CAST: variants seen among roughly 807,000 people sequenced by gnomAD.
CAST encodes MIR583 host.
Under a neutral mutation model 119.6 loss-of-function variants are expected in CAST, and 76 were observed. The observed-to-expected ratio is 0.64, with a 90% CI of 0.53 to 0.77. The LOEUF (loss-of-function observed/expected upper bound fraction) is 0.77. CAST is among the 30% of genes least tolerant of loss of function. The pLI is 0.00. For missense variants in CAST, 953 were observed against 946.5 expected (o/e 1.01, Z -0.09); for synonymous variants, 319 against 331.6 (o/e 0.96, Z 0.41).
At chr5:96,370,581 CAT>C in the CAST span, among the ~76,000 whole-genome samples, 4 of 152,098 alleles carry the variant, frequency 2.6e-5, no homozygotes, top group Non-Finnish European at 5.9e-5. Flanking sequence ...AATTCACAGG[CAT>C]AGCAGCACTG....
chr5:96,616,721 G>GCTCT lies in CAST; in HGVS notation c.61-58815_61-58814insTCTC, dbSNP rs1411448503. On this transcript the variant is annotated intron_variant, in intron 1 of 11. Transcript: ENST00000505143. ...ATGTGTGGCCTCTTAGACACCAAGC[G>GCTCT]CTCGCTCGCTCTCTCTCTCTCTCTA... Among the ~76,000 whole-genome samples, 129 of 140,534 alleles carry GCTCT rather than the reference G, an allele frequency of 9.2e-4. 3 individuals carry two copies. The East Asian group carries it at 0.022, about 23-fold the overall frequency. The allele number at this position is 140,534 out of a possible 152,430, so 92.2% of individuals were successfully genotyped here. A position where few individuals can be genotyped will look rare whatever the true frequency, so the allele number is the denominator to read the frequency against.
chr5:96,305,481 C>G, the CAST span, among the ~76,000 whole-genome samples: 1 of 152,176 alleles, frequency 6.6e-6, no homozygotes, highest in Non-Finnish European at 1.5e-5. Flanking sequence ...CCAGGACTTC[C>G]AACGCTATGT....
At chr5:96,185,457 T>TC in the CAST span, among the ~76,000 whole-genome samples, 3 of 152,226 alleles carry the variant, frequency 2.0e-5, no homozygotes, top group Non-Finnish European at 4.4e-5. Context: ...GCCTAGATTT[T>TC]CTTCAAGGGT....
the CAST span, chr5:96,433,060 G>C: frequency 6.2e-7 from 1 of 1,611,512 alleles, no homozygotes. Context: ...ACACTCGCTT[G>C]AACAAGAGTG....
chr5:96,391,933 C>G, the CAST span: 1 of 152,160 alleles, frequency 6.6e-6, no homozygotes, highest in East Asian at 1.9e-4. Flanking sequence ...AGAATTTGGA[C>G]ACTATCAGTG....
the CAST span, among the ~76,000 whole-genome samples, chr5:96,151,720 G>A: frequency 1.9e-4 from 29 of 152,318 alleles, 1 homozygote; most frequent in Admixed American, 1.8e-3. Flanking sequence ...ATAAACATTT[G>A]AGTGGTTTTA....
chr5:96,002,004 T>C, the CAST span, among the ~76,000 whole-genome samples: 1 of 152,226 alleles, frequency 6.6e-6, no homozygotes, highest in Non-Finnish European at 1.5e-5. Context: ...GTTTCTCTTC[T>C]TGGCAATAGG....
At chr5:96,648,717 CGTGT>C (rs72068689) in intron 1 of CAST, among the ~76,000 whole-genome samples, 10,119 of 148,878 alleles carry the variant, frequency 0.068, 409 homozygotes, top group Non-Finnish European at 0.089. Context: ...TATATATATG[CGTGT>C]GTGTGTGTGT....
chr5:96,020,275 T>A, the CAST span, among the ~76,000 whole-genome samples: 10 of 152,180 alleles, frequency 6.6e-5, no homozygotes, highest in Non-Finnish European at 1.5e-4. Flanking sequence ...GATATCTTCT[T>A]TTATAGTATG....
chr5:96,461,491 C>G, the CAST span, among the ~76,000 whole-genome samples: 5 of 152,066 alleles, frequency 3.3e-5, no homozygotes, highest in Non-Finnish European at 7.4e-5. Context: ...TAGGAAGGTT[C>G]TAATATCTCC....
At chr5:96,272,117 C>T in the CAST span, among the ~76,000 whole-genome samples, 1 of 151,990 alleles carries the variant, frequency 6.6e-6, no homozygotes, top group Non-Finnish European at 1.5e-5. Flanking sequence ...TAACGAATGC[C>T]AACAAAGATG....
the CAST span, among the ~76,000 whole-genome samples, chr5:96,162,298 G>T: frequency 1.3e-5 from 2 of 152,054 alleles, no homozygotes; most frequent in Non-Finnish European, 2.9e-5. Flanking sequence ...TCATTACCTT[G>T]TTGAATATTT....
the CAST span, among the ~76,000 whole-genome samples, chr5:96,267,672 A>G: frequency 1.8e-4 from 27 of 152,342 alleles, no homozygotes; most frequent in Admixed American, 7.2e-4. Flanking sequence ...AAGAAATGCT[A>G]AAGGGAAGAT....
intron 1 of CAST, among the ~76,000 whole-genome samples, chr5:96,530,994 T>G (rs1470823463): frequency 6.6e-6 from 1 of 152,122 alleles, no homozygotes; most frequent in Non-Finnish European, 1.5e-5. Flanking sequence ...GGCTTTGCCA[T>G]GTTGCCCAGG....
the CAST span, among the ~76,000 whole-genome samples, chr5:96,244,329 T>C: frequency 6.6e-6 from 1 of 152,276 alleles, no homozygotes; most frequent in Non-Finnish European, 1.5e-5. Context: ...AGACTTTAAA[T>C]TATTTGTATT....
the CAST span, among the ~76,000 whole-genome samples, chr5:96,203,046 G>A: frequency 2.6e-5 from 4 of 151,856 alleles, no homozygotes; most frequent in African/African-American, 9.7e-5. Context: ...AACCACCTTA[G>A]CATCTTTGTG....
Position 96,717,961 on chromosome 5 carries a change from A to C in CAST, c.211-4678A>C, listed in dbSNP as rs536227459. Among the ~76,000 whole-genome samples the C allele has an allele frequency of 6.6e-5, 10 of 152,336 alleles. No individual in the cohort carries two copies. In the South Asian group the frequency reaches 1.9e-3, roughly 28 times the overall value. ...GGATGGCAACTATTAGATGGAAACT[A>C]TTAAAAGGGGGTTTCTATCCAGGTA... On this transcript the variant is annotated intron_variant, in intron 3 of 31. Transcript: ENST00000675179.
the CAST span, among the ~76,000 whole-genome samples, chr5:96,102,691 T>TA: frequency 1.3e-5 from 2 of 151,700 alleles, no homozygotes; most frequent in African/African-American, 2.4e-5. Flanking sequence ...CAGCATTGTT[T>TA]ATGACTATTT....
the CAST span, among the ~76,000 whole-genome samples, chr5:95,984,154 TTTGTTGAATTTA>T: frequency 7.2e-5 from 11 of 152,056 alleles, no homozygotes; most frequent in African/African-American, 2.7e-4. Context: ...TCAAGAATTA[TTTGTTGAATTTA>T]TTGGAAAACA....
Sources: allele counts gnomAD v4.1 joint callset (sites outside exome capture counted in the v4.1 genomes callset), GRCh38; gene constraint gnomAD v4.1.1; transcripts MANE v1.5; gene names NCBI Gene and HGNC (gene_info 2026-07-23, HGNC 2026-07-21).